Variants in CNTN1 observed in about 807,000 individuals in gnomAD.
CNTN1 encodes contactin-1.
CNTN1 carries 38 observed loss-of-function variants against 126.4 expected under a neutral mutation model. The ratio of observed to expected loss-of-function variants is 0.30; its 90% CI spans 0.23 to 0.39. CNTN1 has a LOEUF of 0.39. CNTN1 is among the 10% of genes least tolerant of loss of function. The probability of loss-of-function intolerance (pLI) is 1.00; values close to 1 mark genes in which losing one functional copy is unlikely to be tolerated. For missense variants in CNTN1, 1,009 were observed against 1,248.4 expected, an observed-to-expected ratio of 0.81 and a Z score of 2.89; for synonymous variants, 413 against 422.6, an observed-to-expected ratio of 0.98 and a Z score of 0.28.
intron 1 of CNTN1, among the ~76,000 whole-genome samples, chr12:40,887,133 C>T (rs1178487248): frequency 6.6e-6 from 1 of 151,916 alleles, no homozygotes; most frequent in Admixed American, 6.6e-5. Flanking sequence ...ATGGGGATGG[C>T]ATTGAATCTA....
chr12:40,862,409 C>T (rs773654760), intron 1 of CNTN1, among the ~76,000 whole-genome samples: 1 of 152,090 alleles, frequency 6.6e-6, no homozygotes, highest in African/African-American at 2.4e-5. Context: ...GTGGGTTTCC[C>T]TTTATGGGGT....
At position 40,949,569 on chromosome 12, in the gene CNTN1, CTTTTTTT is replaced by C. The variant is rs36070275; in HGVS notation, c.1683+5419_1683+5425del. 8.2e-3 allele frequency among the ~76,000 whole-genome samples: 528 copies of C among 64,346 alleles called. 3 individuals are homozygous for C. Among genetic ancestry groups the C allele is most frequent in the Non-Finnish European group, 0.01 (364 of 35,558 alleles). The allele number at this position is 64,346 out of a possible 152,430, so 42.2% of individuals were successfully genotyped here. A position where few individuals can be genotyped will look rare whatever the true frequency, so the allele number is the denominator to read the frequency against. On this transcript the variant is annotated intron_variant, in intron 14 of 23. Coordinates refer to ENST00000551295, the MANE Select transcript of CNTN1 (RefSeq NM_001843.4). ...TGGGTTTTCTTCTTTTCTTTTCTTT[CTTTTTTT>C]TTTTTTTTTTTTTTTTTTTGAGACG...
intron 23 of CNTN1, among the ~76,000 whole-genome samples, chr12:41,069,296 C>T (rs1046725415): frequency 6.6e-6 from 1 of 152,112 alleles, no homozygotes; most frequent in Non-Finnish European, 1.5e-5. Flanking sequence ...ATCAGAAATA[C>T]ATTACTTAAG....
At chr12:40,722,974 T>C (rs1167432326) in intron 1 of CNTN1, among the ~76,000 whole-genome samples, 1 of 152,082 alleles carries the variant, frequency 6.6e-6, no homozygotes, top group Non-Finnish European at 1.5e-5. Context: ...TAAATAGAAT[T>C]TATTGGCTTT....
intron 17 of CNTN1, among the ~76,000 whole-genome samples, chr12:40,994,676 A>G (rs1948171052): frequency 6.6e-6 from 1 of 152,132 alleles, no homozygotes; most frequent in Non-Finnish European, 1.5e-5. Flanking sequence ...ATAAAGCTTC[A>G]TCTTAGATTA....
At chr12:40,880,061 A>G (rs932445394) in intron 1 of CNTN1, among the ~76,000 whole-genome samples, 9 of 152,110 alleles carry the variant, frequency 5.9e-5, no homozygotes, top group Admixed American at 5.2e-4. Flanking sequence ...ATGGTGTAAT[A>G]CAGAGTGTAC....
chr12:40,812,772 C>T lies in CNTN1; in HGVS notation c.-76-95585C>T, dbSNP rs534382097. ...TACATCCCTTCACTTTGTATGTGCCCTTAAAGCTCTAGTGAGTCTCTTGTA... is the reference window on the plus strand; with the variant it reads ...TACATCCCTTCACTTTGTATGTGCCTTTAAAGCTCTAGTGAGTCTCTTGTA... On this transcript the variant is annotated intron_variant, in intron 1 of 23. Coordinates refer to ENST00000551295, the MANE Select transcript of CNTN1 (RefSeq NM_001843.4). Among the ~76,000 whole-genome samples the T allele has an allele frequency of 1.3e-4, 20 of 152,134 alleles. 1 individual carries two copies. In the South Asian group the frequency reaches 4.1e-3, roughly 31 times the overall value.
chr12:40,831,390 G>T (rs1043074290), intron 1 of CNTN1, among the ~76,000 whole-genome samples: 1 of 151,828 alleles, frequency 6.6e-6, no homozygotes, highest in Non-Finnish European at 1.5e-5. Flanking sequence ...TTCCCATAGG[G>T]CACTTCAGTA....
chr12:40,864,599 C>G (rs935648498), intron 1 of CNTN1, among the ~76,000 whole-genome samples: 2 of 149,308 alleles, frequency 1.3e-5, no homozygotes, highest in African/African-American at 2.6e-5. Flanking sequence ...GATTTCATAC[C>G]TTTTGTGAAT....
At chr12:40,884,394 C>T (rs960835128) in intron 1 of CNTN1, among the ~76,000 whole-genome samples, 27 of 151,344 alleles carry the variant, frequency 1.8e-4, no homozygotes, top group African/African-American at 6.5e-4. Flanking sequence ...TTTAAGGCTT[C>T]CCTAATATTT....
intron 1 of CNTN1, among the ~76,000 whole-genome samples, chr12:40,782,806 A>G (rs938986970): frequency 6.6e-6 from 1 of 151,982 alleles, no homozygotes; most frequent in Non-Finnish European, 1.5e-5. Context: ...CACAATCTAT[A>G]TGGGGTAGCC....
chr12:40,812,726 C>T lies in CNTN1; in HGVS notation c.-76-95631C>T, dbSNP rs138665530. Among the ~76,000 whole-genome samples the T allele has an allele frequency of 4.6e-3, 705 of 152,090 alleles. 5 individuals are homozygous for T. Among genetic ancestry groups the T allele is most frequent in the African/African-American group, 0.013 (526 of 41,498 alleles). On this transcript the variant is annotated intron_variant, in intron 1 of 23. Coordinates refer to ENST00000551295, the MANE Select transcript of CNTN1 (RefSeq NM_001843.4). ...AGACCATTTTGTATATTTAGGGTTC[C>T]ATTTGCATGGAATATCTTCTTACAT...
intron 1 of CNTN1, among the ~76,000 whole-genome samples, chr12:40,794,147 A>T (rs1328903360): frequency 6.6e-6 from 1 of 152,246 alleles, no homozygotes; most frequent in African/African-American, 2.4e-5. Flanking sequence ...TGAGATAAAT[A>T]GGATCATTGA....
intron 1 of CNTN1, among the ~76,000 whole-genome samples, chr12:40,753,965 T>C (rs921518547): frequency 2.0e-5 from 3 of 152,098 alleles, no homozygotes; most frequent in Admixed American, 2.0e-4. Context: ...ATTGTTTCTA[T>C]TATTCACTGT....
At chr12:41,025,080 T>C (rs969099727) in intron 20 of CNTN1, 70 bp from the exon 21 acceptor site, 11 of 1,474,440 alleles carry the variant, frequency 7.5e-6, no homozygotes, top group African/African-American at 6.9e-5. Context: ...ATAGAACCAG[T>C]TGAAGAGAAC....
At chr12:41,057,957 C>T (rs750476615) in intron 23 of CNTN1, among the ~76,000 whole-genome samples, 10 of 151,930 alleles carry the variant, frequency 6.6e-5, no homozygotes, top group Non-Finnish European at 1.2e-4. Context: ...TTGCAAATGA[C>T]GGCATTTTCT....
intron 1 of CNTN1, among the ~76,000 whole-genome samples, chr12:40,863,928 C>CT (rs1295808016): frequency 1.2e-3 from 171 of 143,440 alleles, no homozygotes; most frequent in African/African-American, 3.9e-3. Flanking sequence ...TCCTTCCTTC[C>CT]TCCCTCCCTC....
chr12:40,910,797 A>G (rs903003182), intron 3 of CNTN1, among the ~76,000 whole-genome samples: 1 of 152,254 alleles, frequency 6.6e-6, no homozygotes, highest in Non-Finnish European at 1.5e-5. Flanking sequence ...AACTTCTAGC[A>G]TAATGACTGG....
chr12:40,885,703 T>C (rs1284594256), intron 1 of CNTN1, among the ~76,000 whole-genome samples: 4 of 152,102 alleles, frequency 2.6e-5, no homozygotes, highest in African/African-American at 9.7e-5. Context: ...AGTCTTAATG[T>C]CCTTTTCAAA....
Sources: gnomAD v4.1 joint callset for allele counts (sites outside exome capture counted in the v4.1 genomes callset) on GRCh38, gnomAD v4.1.1 for gene constraint, MANE v1.5 for transcripts, NCBI Gene and HGNC (gene_info 2026-07-23, HGNC 2026-07-21) for gene names.